Variants in CEP128 observed in about 807,000 individuals in gnomAD.
CEP128 encodes the protein centrosomal protein 128.
In CEP128, 132 loss-of-function variants were observed where a neutral mutation model predicts 156.7. The ratio of observed to expected loss-of-function variants is 0.84; its 90% CI spans 0.73 to 0.97. CEP128 has a LOEUF of 0.97. Among genes scored for constraint, CEP128 ranks in the 50% least tolerant of loss-of-function variants. The probability of loss-of-function intolerance (pLI) is 0.00; values close to 1 mark genes in which losing one functional copy is unlikely to be tolerated. For missense variants in CEP128, 1,252 were observed against 1,281.9 expected (o/e 0.98, Z 0.36); for synonymous variants, 469 against 448.9 (o/e 1.04, Z -0.57).
chr14:80,679,960 C>T (rs1037353808), intron 19 of CEP128, among the ~76,000 whole-genome samples: 2 of 152,162 alleles, frequency 1.3e-5, no homozygotes, highest in African/African-American at 4.8e-5. Context: ...AAAGAACCTA[C>T]GTTGAAATAT....
intron 16 of CEP128, among the ~76,000 whole-genome samples, chr14:80,765,136 C>T (rs1217977933): frequency 3.9e-5 from 6 of 152,112 alleles, no homozygotes; most frequent in South Asian, 4.1e-4. Context: ...ATAGAGTAAA[C>T]GACACAGACA....
chr14:80,934,669 T>C (rs1885681898), intron 2 of CEP128, among the ~76,000 whole-genome samples: 1 of 152,094 alleles, frequency 6.6e-6, no homozygotes, highest in South Asian at 2.1e-4. Context: ...AACAAAGTAG[T>C]CCCTTTTTTG....
At chr14:80,859,093 C>T (rs1887369844) in intron 9 of CEP128, among the ~76,000 whole-genome samples, 2 of 150,228 alleles carry the variant, frequency 1.3e-5, no homozygotes, top group African/African-American at 4.9e-5. Flanking sequence ...AAGACACATG[C>T]ACACGTATGT....
intron 19 of CEP128, among the ~76,000 whole-genome samples, chr14:80,597,068 A>G (rs1483531120): frequency 1.3e-5 from 2 of 152,036 alleles, no homozygotes; most frequent in East Asian, 1.9e-4. Context: ...ACAAAAATCA[A>G]TGAAATTGAG....
intron 19 of CEP128, among the ~76,000 whole-genome samples, chr14:80,618,778 C>T (rs1395010233): frequency 6.6e-6 from 1 of 152,154 alleles, no homozygotes; most frequent in Non-Finnish European, 1.5e-5. Context: ...CTTTAGCAAC[C>T]ATAACAATCA....
chr14:80,727,298 A>G (rs2139497228), intron 19 of CEP128, among the ~76,000 whole-genome samples: 1 of 152,304 alleles, frequency 6.6e-6, no homozygotes, highest in South Asian at 2.1e-4. Flanking sequence ...CAATAAAGTA[A>G]AAAAATTTAA....
intron 20 of CEP128, among the ~76,000 whole-genome samples, chr14:80,563,306 G>C (rs2140383156): frequency 6.6e-6 from 1 of 152,150 alleles, no homozygotes; most frequent in Middle Eastern, 3.4e-3. Context: ...GACAAGGGAA[G>C]ACCACTCCCA....
Position 80,785,522 on chromosome 14 carries a change from C to G in CEP128, c.1584G>C (p.Leu528Phe), listed in dbSNP as rs1158002019. 1 of 1,608,040 alleles carries G rather than the reference C, an allele frequency of 6.2e-7. No homozygotes were observed. Among genetic ancestry groups the G allele is most frequent in the South Asian group, 1.1e-5 (1 of 89,828 alleles). ...GTAATGCTGCATACAGCTGGGTTTT[C>G]AATTCATCCTTTTCTTTTAAAATCT... is the stretch of plus-strand genomic sequence containing the variant. ...NNQILKEKDE[L>F]KTQLYAALQQ... The change falls in exon 15 of 25, where the codon TTG (leucine) becomes TTC (phenylalanine). Residue 528 changes from leucine (L) to phenylalanine (F), a missense_variant. By Grantham distance (22) the Leu-to-Phe change is conservative. Transcript: ENST00000555265.
At chr14:80,488,339 T>C (rs945647483), downstream of CEP128, among the ~76,000 whole-genome samples, 2 of 147,188 alleles carry the variant, frequency 1.4e-5, no homozygotes, top group African/African-American at 4.9e-5. Flanking sequence ...GAACAGACAC[T>C]TCTCAAAAGA....
At chr14:80,670,612 G>A (rs1391026899) in intron 19 of CEP128, among the ~76,000 whole-genome samples, 1 of 152,110 alleles carries the variant, frequency 6.6e-6, no homozygotes, top group Non-Finnish European at 1.5e-5. Flanking sequence ...TGGAATAATA[G>A]ATACTGGAGA....
downstream of CEP128, among the ~76,000 whole-genome samples, chr14:80,489,490 G>C (rs1483512609): frequency 3.9e-5 from 6 of 151,976 alleles, no homozygotes; most frequent in Non-Finnish European, 8.8e-5. Context: ...AGATTAAGCA[G>C]CAAGGTAAAA....
intron 21 of CEP128, among the ~76,000 whole-genome samples, chr14:80,544,945 GTTT>G (rs1190696898): frequency 3.3e-5 from 5 of 152,090 alleles, no homozygotes; most frequent in Non-Finnish European, 7.4e-5. Flanking sequence ...AGGGATAAAA[GTTT>G]TTTATTTGAT....
chr14:80,508,177 A>G (rs1390936864), intron 23 of CEP128, among the ~76,000 whole-genome samples: 1 of 152,192 alleles, frequency 6.6e-6, no homozygotes, highest in Non-Finnish European at 1.5e-5. Flanking sequence ...TGGCCCCCCA[A>G]AGTGCTGGGA....
At chr14:80,702,523 T>G (rs1484995710) in intron 19 of CEP128, among the ~76,000 whole-genome samples, 2 of 152,138 alleles carry the variant, frequency 1.3e-5, no homozygotes, top group African/African-American at 4.8e-5. Flanking sequence ...TGCATAAAAA[T>G]AGCAATTAAC....
At chr14:80,766,530 G>A (rs1262155862) in intron 16 of CEP128, among the ~76,000 whole-genome samples, 8 of 152,132 alleles carry the variant, frequency 5.3e-5, no homozygotes, top group Admixed American at 4.6e-4. Context: ...ACAAGAGCAT[G>A]TCCAAAATAG....
intron 19 of CEP128, among the ~76,000 whole-genome samples, chr14:80,678,047 A>ATATATAT (rs1555390193): frequency 1.2e-3 from 85 of 68,520 alleles, no homozygotes; most frequent in African/African-American, 2.7e-3. Context: ...CTATAAAAAA[A>ATATATAT]AAATATATAT....
chr14:80,947,734 AG>A (rs1402295394), intron 2 of CEP128, among the ~76,000 whole-genome samples: 1 of 152,342 alleles, frequency 6.6e-6, no homozygotes, highest in Non-Finnish European at 1.5e-5. Flanking sequence ...GTAACAGAGA[AG>A]AAGGGGGTCC....
chr14:80,615,374 T>C (rs1893166452), intron 19 of CEP128, among the ~76,000 whole-genome samples: 1 of 152,170 alleles, frequency 6.6e-6, no homozygotes, highest in South Asian at 2.1e-4. Context: ...GTAAATGAGA[T>C]AGCCGTAGAG....
chr14:80,810,337 A>AAAAAAAAAAAAG (rs1884447876), intron 13 of CEP128, among the ~76,000 whole-genome samples: 1 of 147,466 alleles, frequency 6.8e-6, no homozygotes, highest in East Asian at 1.9e-4. Context: ...AAAAAAAAAA[A>AAAAAAAAAAAAG]AAAAAAAAAA....
Sources: allele counts gnomAD v4.1 joint callset (sites outside exome capture counted in the v4.1 genomes callset), GRCh38; gene constraint gnomAD v4.1.1; transcripts MANE v1.5; gene names NCBI Gene and HGNC (gene_info 2026-07-23, HGNC 2026-07-21).